The following ZNF362 variants were observed in gnomAD, a reference collection of about 807,000 sequenced individuals.
ZNF362 encodes zinc finger protein 362.
Under a neutral mutation model 42.9 loss-of-function variants are expected in ZNF362, and 11 were observed. The ratio of observed to expected loss-of-function variants is 0.26; its 90% CI spans 0.16 to 0.42. The LOEUF is 0.42. Ranked by LOEUF, ZNF362 falls within the 20% of genes least tolerant of loss-of-function variation. The pLI is 1.00. For synonymous variants in ZNF362, 255 were observed against 257.3 expected, an observed-to-expected ratio of 0.99 and a Z score of 0.09; for missense variants, 362 against 576.2, an observed-to-expected ratio of 0.63 and a Z score of 3.81.
In ZNF362 at chr1:33,300,021, C is replaced by T. The variant is rs1021225916; in HGVS notation, c.*975C>T. 4 of 152,576 alleles carry T rather than the reference C, an allele frequency of 2.6e-5. No homozygotes were observed. The highest frequency in any genetic ancestry group is 4.4e-5 in the Non-Finnish European group (3 of 68,108). 9.5% of individuals were successfully genotyped at this position (152,576 alleles called of 1,614,324 possible). ...GGCCCCTCAGCAGGGAAGGGATCCC[C>T]GGGGAGGCAGGTCCCAGGAGCAGAC... On this transcript the variant is annotated 3_prime_UTR_variant, in exon 9 of 9. Transcript: ENST00000539719.
chr1:33,297,395 A>G (rs1415629670), intron 8 of ZNF362, among the ~76,000 whole-genome samples: 1 of 152,232 alleles, frequency 6.6e-6, no homozygotes, highest in African/African-American at 2.4e-5. Flanking sequence ...TACCTTTGGA[A>G]TATCAAAAAG....
chr1:33,272,661 G>C (rs886835959), intron 2 of ZNF362, among the ~76,000 whole-genome samples: 5 of 152,098 alleles, frequency 3.3e-5, no homozygotes, highest in Admixed American at 1.3e-4. Flanking sequence ...CCGGGTGGCT[G>C]TTCTGTCTCC....
At chr1:33,147,153 G>A in the ZNF362 span, 1 of 1,606,964 alleles carries the variant, frequency 6.2e-7, no homozygotes, top group South Asian at 1.1e-5. The surrounding 1 kb of genome is among the most constrained non-coding windows in gnomAD (Gnocchi z 8.1). Context: ...GGTCCCAGGA[G>A]GTTGTGGTCT....
the ZNF362 span, chr1:33,146,230 G>A: frequency 9.0e-6 from 2 of 222,714 alleles, no homozygotes; most frequent in African/African-American, 2.3e-5. Flanking sequence ...GCTACAAGTG[G>A]CTCTTGTTTT....
chr1:33,176,435 T>C, the ZNF362 span: 2 of 698,226 alleles, frequency 2.9e-6, no homozygotes, highest in Non-Finnish European at 5.2e-6. Context: ...GCTGATCCAC[T>C]GCTGTCTTCT....
chr1:33,176,401 T>G, the ZNF362 span: 1 of 696,034 alleles, frequency 1.4e-6, no homozygotes, highest in South Asian at 1.5e-5. Context: ...CACCATACCC[T>G]GCCTACCAGG....
At chr1:33,296,824 G>GT (rs10595778) in intron 8 of ZNF362, among the ~76,000 whole-genome samples, 1,960 of 135,480 alleles carry the variant, frequency 0.014, 28 homozygotes, top group African/African-American at 0.026. Flanking sequence ...GTCAGGAAGG[G>GT]TTTTTTTTTT....
chr1:33,204,226 G>A, the ZNF362 span, among the ~76,000 whole-genome samples: 1 of 151,992 alleles, frequency 6.6e-6, no homozygotes. Flanking sequence ...TATTGAAGAG[G>A]CTGTCTTTTC....
intron 1 of ZNF362, among the ~76,000 whole-genome samples, chr1:33,264,822 G>A (rs1240926258): frequency 6.6e-6 from 1 of 152,080 alleles, no homozygotes; most frequent in Non-Finnish European, 1.5e-5. Flanking sequence ...ACAAAGAAGT[G>A]ATGACCATAG....
At chr1:33,272,673 C>A (rs1414373442) in intron 2 of ZNF362, among the ~76,000 whole-genome samples, 3 of 152,092 alleles carry the variant, frequency 2.0e-5, no homozygotes, top group African/African-American at 2.4e-5. Context: ...TCTGTCTCCA[C>A]CCCCTGCCCT....
At chr1:33,182,600 T>TTGTG in the ZNF362 span, among the ~76,000 whole-genome samples, 3,553 of 147,044 alleles carry the variant, frequency 0.024, 121 homozygotes, top group African/African-American at 0.08. Flanking sequence ...AGTGCTGTAT[T>TTGTG]TGTGTGTGTG....
In ZNF362 at chr1:33,286,344, T is replaced by TC. The variant is rs200259949; in HGVS notation, c.908+4535dup. Among the ~76,000 whole-genome samples the TC allele has an allele frequency of 7.6e-4, 115 of 151,678 alleles. 1 individual carries two copies. The East Asian group carries it at 0.019, about 25-fold the overall frequency. ...ATGATGAAGAATTCTGTTTTTTTTTTCCAAGAAGTAGACTTTGTTTAAAAA... is the reference window on the plus strand; with the variant it reads ...ATGATGAAGAATTCTGTTTTTTTTTTCCCAAGAAGTAGACTTTGTTTAAAAA... On this transcript the variant is annotated intron_variant, in intron 6 of 8. Transcript: ENST00000539719.
the ZNF362 span, chr1:33,181,250 C>A: frequency 1.9e-6 from 3 of 1,550,370 alleles, no homozygotes; most frequent in Non-Finnish European, 1.7e-6. This position sits in a 1 kb window ranked among gnomAD's most constrained non-coding sequence, Gnocchi z 6.5. Flanking sequence ...TGGGCGCCAG[C>A]GCGGGCTCGG....
At chr1:33,151,395 C>A in the ZNF362 span, among the ~76,000 whole-genome samples, 1 of 152,112 alleles carries the variant, frequency 6.6e-6, no homozygotes, top group East Asian at 1.9e-4. Flanking sequence ...GGCACCCTGG[C>A]TGAAGCCACC....
the ZNF362 span, among the ~76,000 whole-genome samples, chr1:33,187,619 C>T: frequency 6.6e-6 from 1 of 152,196 alleles, no homozygotes; most frequent in Non-Finnish European, 1.5e-5. Flanking sequence ...GTCACTTACT[C>T]CTGCCTGTTC....
the ZNF362 span, among the ~76,000 whole-genome samples, chr1:33,134,265 G>T: frequency 6.6e-6 from 1 of 152,192 alleles, no homozygotes; most frequent in Non-Finnish European, 1.5e-5. Flanking sequence ...ACCCAGCAAG[G>T]GTAGGTATTT....
At chr1:33,241,638 A>G in the ZNF362 span, among the ~76,000 whole-genome samples, 1 of 152,224 alleles carries the variant, frequency 6.6e-6, no homozygotes, top group African/African-American at 2.4e-5. Context: ...CTAACTATGC[A>G]ATAACAAATC....
the ZNF362 span, among the ~76,000 whole-genome samples, chr1:33,217,315 A>G: frequency 4.6e-5 from 7 of 152,164 alleles, no homozygotes; most frequent in Non-Finnish European, 1.0e-4. Flanking sequence ...TTGGTGCCCA[A>G]TTCAGCACTA....
chr1:33,227,940 G>A, the ZNF362 span, among the ~76,000 whole-genome samples: 1 of 152,170 alleles, frequency 6.6e-6, no homozygotes, highest in Admixed American at 6.5e-5. Flanking sequence ...TCAAATTCCT[G>A]TTAATCCCTA....
Sources: gnomAD v4.1 joint callset for allele counts (sites outside exome capture counted in the v4.1 genomes callset) on GRCh38, gnomAD v4.1.1 for gene constraint, Gnocchi (gnomAD v3.1) non-coding constraint, MANE v1.5 for transcripts, NCBI Gene and HGNC (gene_info 2026-07-23, HGNC 2026-07-21) for gene names.